The following HHAT variants were observed in gnomAD, a reference collection of about 807,000 sequenced individuals.
The protein encoded by HHAT is protein-cysteine N-palmitoyltransferase HHAT.
A neutral mutation model predicts 70.8 loss-of-function variants in HHAT; 47 were observed. That is an observed-to-expected ratio of 0.66 (90% confidence interval 0.53 to 0.85). The LOEUF is 0.85. HHAT is among the 40% of genes least tolerant of loss of function. The probability of loss-of-function intolerance (pLI) is 0.00; values close to 1 mark genes in which losing one functional copy is unlikely to be tolerated. For synonymous variants in HHAT, 228 were observed against 247.6 expected, an observed-to-expected ratio of 0.92 and a Z score of 0.74; for missense variants, 609 against 604.8, an observed-to-expected ratio of 1.01 and a Z score of -0.07.
intron 4 of HHAT, among the ~76,000 whole-genome samples, chr1:210,397,408 G>A (rs1419135533): frequency 6.6e-6 from 1 of 152,036 alleles, no homozygotes; most frequent in Non-Finnish European, 1.5e-5. Flanking sequence ...GTGTTTAGGT[G>A]GGTTTTTAAA....
intron 11 of HHAT, among the ~76,000 whole-genome samples, chr1:210,624,340 A>G (rs1669447387): frequency 6.6e-6 from 1 of 152,206 alleles, no homozygotes; most frequent in African/African-American, 2.4e-5. Flanking sequence ...CCATTTCTTT[A>G]TAAATTATAC....
At chr1:210,517,986 A>G (rs2095087674) in intron 9 of HHAT, among the ~76,000 whole-genome samples, 1 of 152,194 alleles carries the variant, frequency 6.6e-6, no homozygotes, top group Admixed American at 6.5e-5. Context: ...CACTGTATTT[A>G]TATTTATGGG....
chr1:210,439,059 G>A (rs2093444203), intron 7 of HHAT, among the ~76,000 whole-genome samples: 1 of 151,894 alleles, frequency 6.6e-6, no homozygotes, highest in African/African-American at 2.4e-5. Flanking sequence ...TCACCTTGGG[G>A]TTAAGTGGCA....
chr1:210,654,188 G>A (rs539564548), intron 11 of HHAT, among the ~76,000 whole-genome samples: 34 of 204 alleles, frequency 0.17, no homozygotes, highest in African/African-American at 0.34. Flanking sequence ...GTGTGATGGC[G>A]GAATAGTGTG....
chr1:210,675,957 C>G lies in HHAT; in HGVS notation c.*1578C>G, dbSNP rs1681010250. On this transcript the variant is annotated 3_prime_UTR_variant, in exon 12 of 12. Transcript: ENST00000261458. ...GGAGGAGTGAGCACCTAAATGAACG[C>G]AGTAAACCTTCATGGACCAACAGTG... The G allele has an allele frequency of 6.6e-6, 1 of 152,238 alleles. No individual in the cohort carries two copies. Among genetic ancestry groups the G allele is most frequent in the African/African-American group, 2.4e-5 (1 of 41,534 alleles). The allele number at this position is 152,238 out of a possible 1,614,324, so 9.4% of individuals were successfully genotyped here. A position where few individuals can be genotyped will look rare whatever the true frequency, so the allele number is the denominator to read the frequency against.
At chr1:210,397,077 A>G (rs2091829742) in intron 4 of HHAT, among the ~76,000 whole-genome samples, 1 of 132,810 alleles carries the variant, frequency 7.5e-6, no homozygotes, top group African/African-American at 3.0e-5. Context: ...GGTGCATTGC[A>G]GCAACATCAA....
At chr1:210,523,470 A>T (rs1369520274) in intron 9 of HHAT, among the ~76,000 whole-genome samples, 1 of 152,054 alleles carries the variant, frequency 6.6e-6, no homozygotes, top group Non-Finnish European at 1.5e-5. Flanking sequence ...GATGCTTTAG[A>T]TCCCCAAGCT....
chr1:210,359,893 G>A (rs998456690), intron 2 of HHAT, among the ~76,000 whole-genome samples: 8 of 151,860 alleles, frequency 5.3e-5, no homozygotes, highest in African/African-American at 1.2e-4. Flanking sequence ...CCCAGTCTCC[G>A]AATTTTTGGG....
chr1:210,368,249 A>C (rs1299289952), intron 3 of HHAT, among the ~76,000 whole-genome samples: 38 of 152,246 alleles, frequency 2.5e-4, no homozygotes, highest in Admixed American at 2.5e-3. Context: ...TTGGAGTTGG[A>C]TGGGCTTAAG....
intron 9 of HHAT, among the ~76,000 whole-genome samples, chr1:210,518,346 A>G (rs2095095347): frequency 6.6e-6 from 1 of 152,088 alleles, no homozygotes. Context: ...TATTTGTCTT[A>G]GTTTGTCTGG....
At chr1:210,372,518 A>G (rs141998721) in intron 3 of HHAT, among the ~76,000 whole-genome samples, 1 of 152,222 alleles carries the variant, frequency 6.6e-6, no homozygotes, top group African/African-American at 2.4e-5. Context: ...TCCTACAAGT[A>G]CAAACATTCA....
At chr1:210,561,564 T>C (rs1332246463) in intron 9 of HHAT, among the ~76,000 whole-genome samples, 1 of 152,220 alleles carries the variant, frequency 6.6e-6, no homozygotes, top group African/African-American at 2.4e-5. Context: ...TAAGTGTTCA[T>C]TCTTACCCTT....
chr1:210,451,499 T>G (rs2093756279), intron 7 of HHAT, among the ~76,000 whole-genome samples: 1 of 152,250 alleles, frequency 6.6e-6, no homozygotes, highest in Non-Finnish European at 1.5e-5. Context: ...AAATTAGTAT[T>G]TGGAAAATTA....
chr1:210,376,436 T>C lies in HHAT; in HGVS notation c.160-11032T>C, dbSNP rs1003896848. 6.6e-5 allele frequency among the ~76,000 whole-genome samples: 10 copies of C among 152,202 alleles called. 1 individual carries two copies. Among genetic ancestry groups the C allele is most frequent in the Admixed American group, 5.9e-4 (9 of 15,272 alleles). On this transcript the variant is annotated intron_variant, in intron 3 of 11. Transcript: ENST00000261458. ...GGGATAGGGATAAATGTGTGTACTATATCTTGTCTGAAAGCAGACGTCTCT... is the reference window on the plus strand; with the variant it reads ...GGGATAGGGATAAATGTGTGTACTACATCTTGTCTGAAAGCAGACGTCTCT...
chr1:210,439,171 C>T (rs573385148), intron 7 of HHAT, among the ~76,000 whole-genome samples: 1 of 151,964 alleles, frequency 6.6e-6, no homozygotes, highest in African/African-American at 2.4e-5. Flanking sequence ...GCCTTGGCAA[C>T]ACATTTCTGA....
chr1:210,657,753 G>A (rs772970621), intron 11 of HHAT, among the ~76,000 whole-genome samples: 3 of 152,158 alleles, frequency 2.0e-5, no homozygotes, highest in Admixed American at 1.3e-4. Context: ...AGAAGAGTGG[G>A]TGTGTGGAGT....
rs147899707 is a variant in HHAT, at chr1:210,469,228, A to G, written c.1007+4573A>G. On this transcript the variant is annotated intron_variant, in intron 8 of 11. Transcript: ENST00000261458. ...CTGAGATAGAGACTATGGTGGAAGC[A>G]GTATGGGCTGGACCTTCAGAGGAGT... 5.9e-3 allele frequency among the ~76,000 whole-genome samples: 897 copies of G among 152,284 alleles called. 13 individuals are homozygous for G. Among genetic ancestry groups the G allele is most frequent in the African/African-American group, 0.021 (855 of 41,556 alleles).
At chr1:210,447,997 G>C (rs945229913) in intron 7 of HHAT, among the ~76,000 whole-genome samples, 1 of 152,060 alleles carries the variant, frequency 6.6e-6, no homozygotes, top group Non-Finnish European at 1.5e-5. Context: ...CAGCTGCCTC[G>C]ATCAGGGACT....
chr1:210,449,129 A>C (rs192181016), intron 7 of HHAT, among the ~76,000 whole-genome samples: 4 of 152,324 alleles, frequency 2.6e-5, no homozygotes, highest in African/African-American at 9.6e-5. Context: ...AGACAATTCC[A>C]CAAGCAGCTT....
Sources: allele counts gnomAD v4.1 joint callset (sites outside exome capture counted in the v4.1 genomes callset), GRCh38; gene constraint gnomAD v4.1.1; transcripts MANE v1.5; gene names NCBI Gene and HGNC (gene_info 2026-07-23, HGNC 2026-07-21).